DNASE1L3: variants seen among roughly 807,000 people sequenced by gnomAD.
DNASE1L3 encodes deoxyribonuclease 1L3, also known as deoxyribonuclease gamma.
DNASE1L3 carries 27 observed loss-of-function variants against 30.9 expected under a neutral mutation model. The observed-to-expected ratio is 0.87, with a 90% CI of 0.64 to 1.20. The LOEUF is 1.20. DNASE1L3 is among the 50% of genes most tolerant of loss of function. The pLI is 0.00. For synonymous variants in DNASE1L3, 135 were observed against 138.0 expected, an observed-to-expected ratio of 0.98 and a Z score of 0.15; for missense variants, 364 against 378.2, an observed-to-expected ratio of 0.96 and a Z score of 0.31.
chr3:58,205,596 G>C (rs1395765034), intron 2 of DNASE1L3, 36 bp from the exon 3 acceptor site: 4 of 1,540,844 alleles, frequency 2.6e-6, no homozygotes, highest in Non-Finnish European at 3.6e-6. Flanking sequence ...ATCTTGAAGA[G>C]TAAACATTCC....
intron 2 of DNASE1L3, among the ~76,000 whole-genome samples, chr3:58,206,084 C>G (rs1452961466): frequency 6.6e-6 from 1 of 152,184 alleles, no homozygotes; most frequent in Non-Finnish European, 1.5e-5. Context: ...CATTTTTTTA[C>G]AAGCTTTGGG....
Position 58,204,752 on chromosome 3 carries a change from G to C in DNASE1L3, c.433+17C>G. On this transcript the variant is annotated intron_variant, in intron 4 of 7. Coordinates refer to ENST00000394549, the MANE Select transcript of DNASE1L3 (RefSeq NM_004944.4). ...CGTTGGGGAGGTCCCAGACAGAAAG[G>C]CCTGTGTGGGTCTTACCAGTGTGGG... 2 of 1,607,354 alleles carry C rather than the reference G, an allele frequency of 1.2e-6. No homozygotes were observed. The highest frequency in any genetic ancestry group is 1.7e-6 in the Non-Finnish European group (2 of 1,174,086).
Position 58,193,296 on chromosome 3 carries a change from T to G in DNASE1L3, c.801+47A>C, listed in dbSNP as rs1054396944. 3 of 1,600,594 alleles carry G rather than the reference T, an allele frequency of 1.9e-6. No individual in the cohort carries two copies. In the African/African-American group the frequency reaches 4.0e-5, roughly 21 times the overall value. ...GTCTCATCATGTTGCCCAAGCTAAC[T>G]CATCTTTCCAGGACAATGGCATAGA... is the stretch of plus-strand genomic sequence containing the variant. On this transcript the variant is annotated intron_variant, in intron 7 of 7. Transcript: ENST00000394549.
chr3:58,195,815 T>C (rs2097396993), intron 6 of DNASE1L3, among the ~76,000 whole-genome samples: 1 of 151,484 alleles, frequency 6.6e-6, no homozygotes, highest in South Asian at 2.1e-4. Context: ...GGCACAAGAG[T>C]TATACATGTT....
At chr3:58,203,074 G>A (rs111365332) in intron 4 of DNASE1L3, among the ~76,000 whole-genome samples, 14 of 152,118 alleles carry the variant, frequency 9.2e-5, no homozygotes, top group Non-Finnish European at 1.8e-4. Flanking sequence ...GTCGCCTTCT[G>A]AGCAGCTCCT....
At position 58,200,116 on chromosome 3, in the gene DNASE1L3, G is replaced by A. The variant is rs1575497204; in HGVS notation, c.546+881C>T. 1.3e-5 allele frequency among the ~76,000 whole-genome samples: 2 copies of A among 152,146 alleles called. No homozygotes were observed. The highest frequency in any genetic ancestry group is 3.9e-4 in the East Asian group (2 of 5,190). On this transcript the variant is annotated intron_variant, in intron 5 of 7. Transcript: ENST00000394549. The surrounding 1 kb of genome is among the most constrained non-coding windows in gnomAD (Gnocchi z 4.2). Reference sequence around the variant, plus strand: ...AAGTGGAAAGAACTGAGCCTATAGGGATGGCAAATATGTGCCCCCTTCTGT... The same window carrying A: ...AAGTGGAAAGAACTGAGCCTATAGGAATGGCAAATATGTGCCCCCTTCTGT...
In DNASE1L3 at chr3:58,193,451, G is replaced by T; in HGVS notation, c.705-12C>A. On this transcript the variant is annotated splice_polypyrimidine_tract_variant and intron_variant, in intron 6 of 7. Coordinates refer to ENST00000394549, the MANE Select transcript of DNASE1L3 (RefSeq NM_004944.4). Reference sequence around the variant, plus strand: ...CTCTAAGCACAATCCTGGAACAAGGGGAGGGAAAACAGTTGTGTTAATCCA... The same window carrying T: ...CTCTAAGCACAATCCTGGAACAAGGTGAGGGAAAACAGTTGTGTTAATCCA... 1 of 1,605,974 alleles carries T rather than the reference G, an allele frequency of 6.2e-7. No individual in the cohort carries two copies. The highest frequency in any genetic ancestry group is 2.2e-5 in the East Asian group (1 of 44,694).
intron 6 of DNASE1L3, among the ~76,000 whole-genome samples, chr3:58,195,910 A>G (rs1385398259): frequency 6.6e-6 from 1 of 152,252 alleles, no homozygotes; most frequent in Non-Finnish European, 1.5e-5. Context: ...TTTGGGATAC[A>G]TGTGTATAAA....
chr3:58,198,838 G>A (rs2097398921), intron 5 of DNASE1L3, among the ~76,000 whole-genome samples: 1 of 152,146 alleles, frequency 6.6e-6, no homozygotes, highest in African/African-American at 2.4e-5. Context: ...TTTGAAGTTG[G>A]AAACTTATTT....
At chr3:58,209,571 A>G (rs2097406318) in intron 1 of DNASE1L3, among the ~76,000 whole-genome samples, 1 of 152,178 alleles carries the variant, frequency 6.6e-6, no homozygotes, top group South Asian at 2.1e-4. Flanking sequence ...GGCTCGTCCA[A>G]GGAAGAACAG....
Position 58,193,452 on chromosome 3 carries a change from G to C in DNASE1L3, c.705-13C>G. 6.2e-7 allele frequency: 1 copy of C among 1,604,786 alleles called. No individual in the cohort carries two copies. The highest frequency in any genetic ancestry group is 1.1e-5 in the South Asian group (1 of 90,580). Reference sequence around the variant, plus strand: ...TCTAAGCACAATCCTGGAACAAGGGGAGGGAAAACAGTTGTGTTAATCCAA... The same window carrying C: ...TCTAAGCACAATCCTGGAACAAGGGCAGGGAAAACAGTTGTGTTAATCCAA... On this transcript the variant is annotated splice_polypyrimidine_tract_variant and intron_variant, in intron 6 of 7. Transcript: ENST00000394549.
chr3:58,199,990 G>A (rs1243178181), intron 5 of DNASE1L3, among the ~76,000 whole-genome samples: 2 of 152,210 alleles, frequency 1.3e-5, no homozygotes, highest in East Asian at 1.9e-4. Context: ...GTCACATTCC[G>A]AAACGAGAAA....
chr3:58,204,720 C>T (rs746009031), intron 4 of DNASE1L3, 49 bp downstream of exon 4: 1 of 1,543,596 alleles, frequency 6.5e-7, no homozygotes, highest in South Asian at 1.1e-5. Context: ...GCTGCGCATT[C>T]ATGGGCCGTT....
chr3:58,200,399 A>G lies in DNASE1L3; in HGVS notation c.546+598T>C, dbSNP rs9811316. Among the ~76,000 whole-genome samples, 2,904 of 152,280 alleles carry G rather than the reference A, an allele frequency of 0.019. 91 individuals are homozygous for G. The highest frequency in any genetic ancestry group is 0.065 in the African/African-American group (2,703 of 41,550). On this transcript the variant is annotated intron_variant, in intron 5 of 7. Transcript: ENST00000394549. The surrounding 1 kb of genome is among the most constrained non-coding windows in gnomAD (Gnocchi z 4.2). Reference sequence around the variant, plus strand: ...TGGTGGCTGTCCTGCCATCCCAGGGATGGAACCAACCTGAGAATGGAGCCA... The same window carrying G: ...TGGTGGCTGTCCTGCCATCCCAGGGGTGGAACCAACCTGAGAATGGAGCCA...
rs1294469170 is a variant in DNASE1L3 at position 58,208,275 on chromosome 3, A to G, written c.173T>C (p.Met58Thr). 6.2e-7 allele frequency: 1 copy of G among 1,614,134 alleles called. No individual in the cohort carries two copies. The highest frequency in any genetic ancestry group is 8.5e-7 in the Non-Finnish European group (1 of 1,180,054). Residue 58 changes from methionine to threonine, a missense_variant, in exon 2 of 8, where the codon ATG becomes ACG. Transcript: ENST00000394549. ...VIKRCDIILV[M>T]EIKDSNNRIC... ...CCTGTTGTTGCTGTCCTTGATTTCC[A>G]TCACGAGTATGATGTCACAGCGTTT...
chr3:58,204,658 T>C (rs1162048127), intron 4 of DNASE1L3, 111 bp downstream of exon 4: 23 of 807,188 alleles, frequency 2.8e-5, no homozygotes, highest in Middle Eastern at 6.7e-4. Flanking sequence ...TTAGAAGCAA[T>C]GCACTGTCAC....
At chr3:58,204,434 C>T (rs2097402632) in intron 4 of DNASE1L3, among the ~76,000 whole-genome samples, 1 of 152,160 alleles carries the variant, frequency 6.6e-6, no homozygotes, top group African/African-American at 2.4e-5. Flanking sequence ...CGCCACCGCA[C>T]CCAGCCAGGA....
rs1286421767 is a variant in DNASE1L3, at chr3:58,207,453, C to G, written c.230+765G>C. Among the ~76,000 whole-genome samples the G allele has an allele frequency of 2.1e-3, 59 of 28,712 alleles. 3 individuals are homozygous for G. In the South Asian group the frequency reaches 0.027, roughly 13 times the overall value. 18.8% of individuals were successfully genotyped at this position (28,712 alleles called of 152,430 possible). On this transcript the variant is annotated intron_variant, in intron 2 of 7. Transcript: ENST00000394549. Reference sequence around the variant, plus strand: ...GCTCTCTGATCACACCCCCCCCCCCCCCACCAGAAGTAACCACTATTAATA... The same window carrying G: ...GCTCTCTGATCACACCCCCCCCCCCGCCACCAGAAGTAACCACTATTAATA...
intron 6 of DNASE1L3, among the ~76,000 whole-genome samples, chr3:58,194,130 G>A (rs1023714728): frequency 1.3e-5 from 2 of 152,264 alleles, no homozygotes; most frequent in African/African-American, 4.8e-5. Context: ...AGTCAAATGA[G>A]TTTTGGAAAC....
Sources: gnomAD v4.1 joint callset for allele counts (sites outside exome capture counted in the v4.1 genomes callset) on GRCh38, gnomAD v4.1.1 for gene constraint, Gnocchi (gnomAD v3.1) non-coding constraint, MANE v1.5 for transcripts, NCBI Gene and HGNC (gene_info 2026-07-23, HGNC 2026-07-21) for gene names.